Variants in SPATA17 observed in about 807,000 individuals in gnomAD.
SPATA17 encodes spermatogenesis-associated protein 17.
Under a neutral mutation model 62.2 loss-of-function variants are expected in SPATA17, and 53 were observed. That is an observed-to-expected ratio of 0.85 (90% CI 0.68 to 1.07). The LOEUF is 1.07. Among genes scored for constraint, SPATA17 ranks in the 50% least tolerant of loss-of-function variants. The pLI is 0.00. For synonymous variants in SPATA17, 146 were observed against 146.8 expected (o/e 0.99, Z 0.04); for missense variants, 466 against 425.5 (o/e 1.10, Z -0.84).
chr1:217,659,332 T>A (rs1476726727), intron 3 of SPATA17, among the ~76,000 whole-genome samples: 1 of 151,768 alleles, frequency 6.6e-6, no homozygotes, highest in Non-Finnish European at 1.5e-5. Flanking sequence ...AATTTTGAAA[T>A]TAGGAATGAG....
intron 5 of SPATA17, among the ~76,000 whole-genome samples, chr1:217,720,795 G>T (rs1672109214): frequency 6.6e-6 from 1 of 152,122 alleles, no homozygotes; most frequent in Admixed American, 6.5e-5. Context: ...CTAAGGAAGA[G>T]AACCCAAGAA....
intron 9 of SPATA17, among the ~76,000 whole-genome samples, chr1:217,820,487 G>A (rs1254266444): frequency 6.6e-6 from 1 of 151,706 alleles, no homozygotes; most frequent in East Asian, 1.9e-4. Context: ...AAAATGGATT[G>A]AGTATGATGT....
At chr1:217,761,510 G>A (rs1673172186) in intron 6 of SPATA17, among the ~76,000 whole-genome samples, 1 of 151,948 alleles carries the variant, frequency 6.6e-6, no homozygotes, top group African/African-American at 2.4e-5. Flanking sequence ...ACATTTATCA[G>A]AATTACCTAA....
At chr1:217,856,691 A>G (rs1268883202) in intron 9 of SPATA17, among the ~76,000 whole-genome samples, 1 of 152,222 alleles carries the variant, frequency 6.6e-6, no homozygotes, top group Non-Finnish European at 1.5e-5. Context: ...CAAATAACTA[A>G]GATTGAATAC....
chr1:217,858,619 G>C (rs1334740106), intron 9 of SPATA17, among the ~76,000 whole-genome samples: 5 of 152,150 alleles, frequency 3.3e-5, no homozygotes, highest in Non-Finnish European at 7.4e-5. Context: ...ATAAAGCTGG[G>C]CATGGTGGCA....
chr1:217,833,249 G>T (rs976060537), intron 9 of SPATA17, among the ~76,000 whole-genome samples: 2 of 152,100 alleles, frequency 1.3e-5, no homozygotes, highest in African/African-American at 4.8e-5. Context: ...GTCCCATAGA[G>T]CTTGCTAGTC....
chr1:217,783,959 G>GA (rs529202642), intron 8 of SPATA17, among the ~76,000 whole-genome samples: 1 of 151,520 alleles, frequency 6.6e-6, no homozygotes, highest in African/African-American at 2.4e-5. Flanking sequence ...CAACCAATCA[G>GA]AAAAAAACCA....
chr1:217,667,825 G>A (rs536212457), intron 3 of SPATA17, among the ~76,000 whole-genome samples: 6 of 152,094 alleles, frequency 3.9e-5, no homozygotes, highest in South Asian at 4.1e-4. Context: ...CACCAATTAC[G>A]CCTTGCTTAC....
At chr1:217,724,128 C>T (rs1252613819) in intron 5 of SPATA17, among the ~76,000 whole-genome samples, 1 of 152,186 alleles carries the variant, frequency 6.6e-6, no homozygotes, top group East Asian at 1.9e-4. Context: ...CTATAGTATA[C>T]ATGTATGTCC....
chr1:217,800,251 T>A (rs1037945302), intron 8 of SPATA17, among the ~76,000 whole-genome samples: 1 of 145,016 alleles, frequency 6.9e-6, no homozygotes, highest in African/African-American at 2.5e-5. Context: ...TATACTCTGA[T>A]ACAGCTTTTT....
At position 217,719,498 on chromosome 1, in the gene SPATA17, A is replaced by G. The variant is rs1163472714; in HGVS notation, c.396-22477A>G. 1.2e-4 allele frequency among the ~76,000 whole-genome samples: 19 copies of G among 152,342 alleles called. No individual in the cohort carries two copies. In the East Asian group the frequency reaches 3.7e-3, roughly 29 times the overall value. ...TAAATTAAATACAGTAACAGATGCAACAATGGTACCATCTTCTTTGGGAAA... is the reference window on the plus strand; with the variant it reads ...TAAATTAAATACAGTAACAGATGCAGCAATGGTACCATCTTCTTTGGGAAA... On this transcript the variant is annotated intron_variant, in intron 5 of 10. Transcript: ENST00000366933.
At chr1:217,705,127 T>G (rs908083634) in intron 5 of SPATA17, among the ~76,000 whole-genome samples, 3 of 152,174 alleles carry the variant, frequency 2.0e-5, no homozygotes, top group Admixed American at 6.5e-5. Flanking sequence ...CTAATTGTGG[T>G]TGTGATTTTC....
At chr1:217,838,653 C>G (rs1423475679) in intron 9 of SPATA17, among the ~76,000 whole-genome samples, 1 of 151,998 alleles carries the variant, frequency 6.6e-6, no homozygotes, top group African/African-American at 2.4e-5. Flanking sequence ...AAAAAGAAAT[C>G]ACTTTTGTTC....
At chr1:217,755,107 T>G (rs571658017) in intron 6 of SPATA17, among the ~76,000 whole-genome samples, 1 of 152,242 alleles carries the variant, frequency 6.6e-6, no homozygotes, top group South Asian at 2.1e-4. Context: ...TATTATATTG[T>G]GTATTTGTTA....
chr1:217,849,964 T>G (rs1247569266), intron 9 of SPATA17, among the ~76,000 whole-genome samples: 1 of 152,134 alleles, frequency 6.6e-6, no homozygotes, highest in Non-Finnish European at 1.5e-5. Flanking sequence ...CTTGTAAGTC[T>G]AGTACCACTC....
intron 6 of SPATA17, among the ~76,000 whole-genome samples, chr1:217,768,463 CTTTCT>C (rs1347124169): frequency 6.7e-6 from 1 of 150,142 alleles, no homozygotes; most frequent in Non-Finnish European, 1.5e-5. Flanking sequence ...TCTTGAATAC[CTTTCT>C]TTTCTTTATC....
chr1:217,650,705 T>C (rs1670292525), intron 2 of SPATA17, among the ~76,000 whole-genome samples: 1 of 152,264 alleles, frequency 6.6e-6, no homozygotes, highest in African/African-American at 2.4e-5. Context: ...ATTACGGGCA[T>C]GAGCCACTGC....
chr1:217,716,961 G>T (rs1320681762), intron 5 of SPATA17, among the ~76,000 whole-genome samples: 1 of 152,292 alleles, frequency 6.6e-6, no homozygotes, highest in South Asian at 2.1e-4. Context: ...TAAGTAAAGG[G>T]TAAGGTCACA....
At chr1:217,753,211 G>A (rs559034065) in intron 6 of SPATA17, among the ~76,000 whole-genome samples, 2 of 152,302 alleles carry the variant, frequency 1.3e-5, no homozygotes, top group Non-Finnish European at 2.9e-5. Flanking sequence ...AAAGCAAGGG[G>A]CCCCAAAGCT....
Sources: allele counts gnomAD v4.1 joint callset (sites outside exome capture counted in the v4.1 genomes callset), GRCh38; gene constraint gnomAD v4.1.1; transcripts MANE v1.5; gene names NCBI Gene and HGNC (gene_info 2026-07-23, HGNC 2026-07-21).